The following PELI2 variants were observed in gnomAD, a reference collection of about 807,000 sequenced individuals.
PELI2 encodes the protein pellino E3 ubiquitin protein ligase family member 2, also known as E3 ubiquitin-protein ligase pellino homolog 2.
In PELI2, 23 loss-of-function variants were observed where a neutral mutation model predicts 42.3. The observed-to-expected ratio is 0.54, with a 90% CI of 0.39 to 0.77. PELI2 has a LOEUF of 0.77. Ranked by LOEUF, PELI2 falls within the 30% of genes least tolerant of loss-of-function variation. The pLI is 0.00. For synonymous variants in PELI2, 245 were observed against 212.2 expected (o/e 1.15, Z -1.34); for missense variants, 463 against 553.2 (o/e 0.84, Z 1.64).
chr14:56,121,477 G>C (rs1339474483), intron 1 of PELI2, among the ~76,000 whole-genome samples: 2 of 152,172 alleles, frequency 1.3e-5, no homozygotes, highest in African/African-American at 4.8e-5. Context: ...ATTATTTCAT[G>C]ATTCCAGCCA....
intron 2 of PELI2, among the ~76,000 whole-genome samples, chr14:56,208,813 T>C (rs1005129964): frequency 4.6e-5 from 7 of 152,238 alleles, no homozygotes; most frequent in African/African-American, 1.2e-4. Context: ...ACCACTTTCA[T>C]AGAAAACCAT....
Position 56,246,286 on chromosome 14 carries a change from T to A in PELI2, c.208-33390T>A, listed in dbSNP as rs539407717. Among the ~76,000 whole-genome samples the A allele has an allele frequency of 3.3e-5, 5 of 152,362 alleles. No homozygotes were observed. In the East Asian group the frequency reaches 9.6e-4, roughly 29 times the overall value. ...AGCTGTAACTGTTACAAGGTTTATA[T>A]ATTTACACTCAAATCTGATCCCCCT... On this transcript the variant is annotated intron_variant, in intron 2 of 5. Coordinates refer to ENST00000267460, the MANE Select transcript of PELI2 (RefSeq NM_021255.3).
chr14:56,264,836 T>A (rs571510424), intron 2 of PELI2, among the ~76,000 whole-genome samples: 20 of 152,192 alleles, frequency 1.3e-4, no homozygotes, highest in Non-Finnish European at 1.9e-4. Context: ...TGTATTTTCC[T>A]TAGGAGCAGT....
intron 2 of PELI2, among the ~76,000 whole-genome samples, chr14:56,252,394 CAAG>C (rs1447337780): frequency 3.3e-5 from 5 of 152,196 alleles, no homozygotes; most frequent in Admixed American, 2.6e-4. Context: ...CTTGCCAAAT[CAAG>C]AAGCTTTGAA....
chr14:56,121,856 C>A (rs1482150352), intron 1 of PELI2, among the ~76,000 whole-genome samples: 1 of 152,200 alleles, frequency 6.6e-6, no homozygotes, highest in Admixed American at 6.5e-5. Context: ...TATTTAGTTA[C>A]ATATTCTAAG....
intron 1 of PELI2, among the ~76,000 whole-genome samples, chr14:56,175,806 T>C (rs1363672126): frequency 6.6e-6 from 1 of 152,240 alleles, no homozygotes; most frequent in Non-Finnish European, 1.5e-5. Flanking sequence ...TTGAGTTAGC[T>C]GAAGCTGAAG....
chr14:56,255,954 G>A (rs1888513287), intron 2 of PELI2, among the ~76,000 whole-genome samples: 1 of 152,144 alleles, frequency 6.6e-6, no homozygotes, highest in African/African-American at 2.4e-5. Flanking sequence ...GCTTGTCTAT[G>A]CAGCTCAACT....
chr14:56,178,752 G>T (rs1419290201), intron 2 of PELI2, among the ~76,000 whole-genome samples: 1 of 152,208 alleles, frequency 6.6e-6, no homozygotes, highest in Non-Finnish European at 1.5e-5. Flanking sequence ...CCTGGGGAGG[G>T]CTGGGCAGGT....
chr14:56,133,305 T>C (rs1020296141), intron 1 of PELI2, among the ~76,000 whole-genome samples: 1 of 152,178 alleles, frequency 6.6e-6, no homozygotes, highest in African/African-American at 2.4e-5. Context: ...AATAGGTGAA[T>C]ACAAGTCTGC....
chr14:56,238,360 T>C (rs929530230), intron 2 of PELI2, among the ~76,000 whole-genome samples: 1 of 152,232 alleles, frequency 6.6e-6, no homozygotes, highest in African/African-American at 2.4e-5. Flanking sequence ...TGTTTCGTAT[T>C]AACTGCATTA....
intron 1 of PELI2, among the ~76,000 whole-genome samples, chr14:56,169,064 C>T (rs531158114): frequency 2.6e-5 from 4 of 152,274 alleles, no homozygotes; most frequent in East Asian, 3.9e-4. Flanking sequence ...AGACAAAGTC[C>T]TCCCCACTCT....
rs532760279 is a variant in PELI2, at chr14:56,239,377, G to A, written c.208-40299G>A. On this transcript the variant is annotated intron_variant, in intron 2 of 5. Transcript: ENST00000267460. ...AAATTCCTGGACTTTCCAAGAGAAT[G>A]TCTCCTAACTTTGACTTACTATCAG... Among the ~76,000 whole-genome samples, 73 of 152,282 alleles carry A rather than the reference G, an allele frequency of 4.8e-4. 2 individuals carry two copies. The South Asian group carries it at 0.015, about 31-fold the overall frequency.
rs1885553773 is a variant in PELI2 at position 56,180,962 on chromosome 14, T to C, written c.207+2498T>C. 6.6e-6 allele frequency among the ~76,000 whole-genome samples: 1 copy of C among 152,204 alleles called. No homozygotes were observed. Among genetic ancestry groups the C allele is most frequent in the South Asian group, 2.1e-4 (1 of 4,832 alleles). On this transcript the variant is annotated intron_variant, in intron 2 of 5. Coordinates refer to ENST00000267460, the MANE Select transcript of PELI2 (RefSeq NM_021255.3). The surrounding 1 kb of genome is among the most constrained non-coding windows in gnomAD (Gnocchi z 4.4). ...ATGCACTCTTTTGTTATTTTTTCCA[T>C]CTTATGTTTGTGGAACATATTTCAG...
intron 2 of PELI2, among the ~76,000 whole-genome samples, chr14:56,261,567 T>C (rs1888716668): frequency 6.6e-6 from 1 of 152,212 alleles, no homozygotes. Context: ...GGAAATTCTT[T>C]TGTAAAGGAA....
At chr14:56,263,984 T>G (rs1888813348) in intron 2 of PELI2, among the ~76,000 whole-genome samples, 1 of 152,218 alleles carries the variant, frequency 6.6e-6, no homozygotes. Flanking sequence ...CAGTTGATGC[T>G]CATTATTCAC....
chr14:56,218,636 T>A (rs1886998389), intron 2 of PELI2, among the ~76,000 whole-genome samples: 1 of 152,216 alleles, frequency 6.6e-6, no homozygotes, highest in African/African-American at 2.4e-5. Flanking sequence ...TATTCTTCTT[T>A]ATTGTTGCGG....
intron 2 of PELI2, among the ~76,000 whole-genome samples, chr14:56,255,425 GA>G (rs1566667569): frequency 6.6e-6 from 1 of 152,072 alleles, no homozygotes; most frequent in East Asian, 1.9e-4. Context: ...TCATAAGTGG[GA>G]GTTGAACATT....
intron 2 of PELI2, among the ~76,000 whole-genome samples, chr14:56,183,840 C>A (rs1885675861): frequency 6.6e-6 from 1 of 152,128 alleles, no homozygotes; most frequent in Non-Finnish European, 1.5e-5. Flanking sequence ...GAAATACTTA[C>A]ATGAAAACCT....
At chr14:56,268,886 T>C (rs367684265) in intron 2 of PELI2, among the ~76,000 whole-genome samples, 227 of 152,290 alleles carry the variant, frequency 1.5e-3, no homozygotes, top group African/African-American at 5.0e-3. Flanking sequence ...TCATGCTTTG[T>C]AGGGAGCTGC....
Sources: allele counts gnomAD v4.1 joint callset (sites outside exome capture counted in the v4.1 genomes callset), GRCh38; gene constraint gnomAD v4.1.1; non-coding constraint Gnocchi (gnomAD v3.1); transcripts MANE v1.5; gene names NCBI Gene and HGNC (gene_info 2026-07-23, HGNC 2026-07-21).